OTUB2: variants seen among roughly 807,000 people sequenced by gnomAD.
The protein encoded by OTUB2 is ubiquitin thioesterase OTUB2.
In OTUB2, 21 loss-of-function variants were observed where a neutral mutation model predicts 25.1. The observed-to-expected ratio is 0.84, with a 90% CI of 0.59 to 1.21. The LOEUF (loss-of-function observed/expected upper bound fraction) is 1.21. OTUB2 is among the 50% of genes most tolerant of loss of function. OTUB2 has a pLI of 0.00. For missense variants in OTUB2, 283 were observed against 298.0 expected, an observed-to-expected ratio of 0.95 and a Z score of 0.37; for synonymous variants, 122 against 122.8, an observed-to-expected ratio of 0.99 and a Z score of 0.04.
chr14:94,032,953 C>T (rs981324555), intron 1 of OTUB2, among the ~76,000 whole-genome samples: 16 of 152,150 alleles, frequency 1.1e-4, no homozygotes, highest in African/African-American at 3.9e-4. Flanking sequence ...AGTCTGTTGC[C>T]CAGGCTGGAG....
chr14:94,044,164 A>G, intron 4 of OTUB2, 109 bp downstream of exon 4: 1 of 1,141,226 alleles, frequency 8.8e-7, no homozygotes, highest in Non-Finnish European at 1.3e-6. Context: ...GGGGAAGGAC[A>G]GAGGGTTCCT....
Position 94,044,598 on chromosome 14 carries a change from G to A in OTUB2, c.316G>A (p.Val106Met), listed in dbSNP as rs1055202723. ...RNFFNAFYSV[V>M]ELVEKDGSVS... The stretch of plus-strand genomic sequence containing the variant: ...CGGGCGGGCGCAGTTTTACAGTGTG[G>A]TGGAACTGGTAGAGAAGGATGGCTC... Residue 106 changes from valine (V) to methionine (M), a missense_variant, in exon 5 of 6, where the codon GTG becomes ATG. Transcript: ENST00000203664. The A allele has an allele frequency of 6.2e-7, 1 of 1,613,562 alleles. No individual in the cohort carries two copies. The highest frequency in any genetic ancestry group is 8.5e-7 in the Non-Finnish European group (1 of 1,179,628).
intron 3 of OTUB2, chr14:94,039,309 A>G (rs1159820061): frequency 1.0e-5 from 6 of 577,092 alleles, no homozygotes; most frequent in East Asian, 2.9e-5. Flanking sequence ...GATGCTTTCC[A>G]GCCTCTGCTT....
intron 1 of OTUB2, among the ~76,000 whole-genome samples, chr14:94,032,037 C>T (rs1439452914): frequency 2.0e-5 from 3 of 152,166 alleles, no homozygotes; most frequent in South Asian, 2.1e-4. Flanking sequence ...GGGGTTCTTC[C>T]GGGAGCTTGA....
At position 94,037,696 on chromosome 14, in the gene OTUB2, C is replaced by T. The variant is rs188548921; in HGVS notation, c.99+221C>T. Reference sequence around the variant, plus strand: ...TTTTGTTGAAAAGTTTAGCACTATCCTAATGTTTTATTTACTCACCAATAC... The same window carrying T: ...TTTTGTTGAAAAGTTTAGCACTATCTTAATGTTTTATTTACTCACCAATAC... On this transcript the variant is annotated intron_variant, in intron 2 of 5. Transcript: ENST00000203664. Among the ~76,000 whole-genome samples, 32 of 149,970 alleles carry T rather than the reference C, an allele frequency of 2.1e-4. No homozygotes were observed. In the East Asian group the frequency reaches 5.6e-3, roughly 26 times the overall value.
chr14:94,031,086 A>G (rs923366720), intron 1 of OTUB2, among the ~76,000 whole-genome samples: 5 of 152,098 alleles, frequency 3.3e-5, no homozygotes, highest in African/African-American at 1.2e-4. Flanking sequence ...ATGGCTTCCA[A>G]ACGATTATCA....
intron 3 of OTUB2, among the ~76,000 whole-genome samples, chr14:94,042,652 C>T (rs779097555): frequency 2.6e-5 from 4 of 152,178 alleles, no homozygotes; most frequent in East Asian, 1.9e-4. Context: ...GCCACCTAGC[C>T]GCAGCTGAAG....
intron 2 of OTUB2, 113 bp from the exon 3 acceptor site, chr14:94,038,850 G>C (rs1164326302): frequency 1.7e-5 from 15 of 905,902 alleles, no homozygotes; most frequent in Non-Finnish European, 1.7e-5. Flanking sequence ...AGCCTGAAGG[G>C]AGGGAGCAGA....
chr14:94,043,900 G>T, intron 3 of OTUB2, 71 bp from the exon 4 acceptor site: 1 of 1,403,618 alleles, frequency 7.1e-7, no homozygotes, highest in Non-Finnish European at 1.0e-6. Flanking sequence ...GTTGAGAGGG[G>T]GACGCACAGT....
At position 94,044,781 on chromosome 14, in the gene OTUB2, G is replaced by A. The variant is rs201463832; in HGVS notation, c.498+1G>A. On this transcript the variant is annotated splice_donor_variant, in intron 5 of 5. Transcript: ENST00000203664. LOFTEE classifies it high-confidence loss of function. ...GGACATCAAAGACTTCTGCACTCACGTAGGTGCTTGGGGTCTCAGCCCCAG... is the reference window on the plus strand; with the variant it reads ...GGACATCAAAGACTTCTGCACTCACATAGGTGCTTGGGGTCTCAGCCCCAG... 33 of 1,609,134 alleles carry A rather than the reference G, an allele frequency of 2.1e-5. No individual in the cohort carries two copies. The highest frequency in any genetic ancestry group is 2.5e-5 in the Non-Finnish European group (29 of 1,178,360).
At chr14:94,028,778 G>T (rs1404025789) in intron 1 of OTUB2, among the ~76,000 whole-genome samples, 1 of 152,222 alleles carries the variant, frequency 6.6e-6, no homozygotes, top group African/African-American at 2.4e-5. Flanking sequence ...ATGCCTAAGA[G>T]GCCTAAGGAC....
intron 1 of OTUB2, 31 bp downstream of exon 1, chr14:94,026,571 A>C: frequency 1.1e-6 from 1 of 937,506 alleles, no homozygotes; most frequent in East Asian, 4.8e-5. Flanking sequence ...GCGAAGGGGG[A>C]GCGGGCAGGG....
chr14:94,043,805 G>A (rs1885207668), intron 3 of OTUB2, among the ~76,000 whole-genome samples, 166 bp from the exon 4 acceptor site: 1 of 152,228 alleles, frequency 6.6e-6, no homozygotes, highest in African/African-American at 2.4e-5. Flanking sequence ...GGGTGGAGAT[G>A]TGCACGGTGC....
At chr14:94,037,868 T>C (rs1885086680) in intron 2 of OTUB2, among the ~76,000 whole-genome samples, 1 of 152,212 alleles carries the variant, frequency 6.6e-6, no homozygotes, top group African/African-American at 2.4e-5. Flanking sequence ...CAAGCCACAT[T>C]CATAACTGCT....
At chr14:94,044,988 A>T (rs1288695405) in intron 5 of OTUB2, among the ~76,000 whole-genome samples, 13 of 152,186 alleles carry the variant, frequency 8.5e-5, no homozygotes, top group Admixed American at 8.5e-4. Context: ...CTCTCTGGAG[A>T]TTTCCCATCT....
intron 1 of OTUB2, among the ~76,000 whole-genome samples, chr14:94,027,182 C>G (rs1249151565): frequency 6.6e-6 from 1 of 152,252 alleles, no homozygotes; most frequent in Non-Finnish European, 1.5e-5. Flanking sequence ...CCCAGAGACC[C>G]TCTGAGCCAG....
chr14:94,045,629 C>T (rs1305153029), intron 5 of OTUB2, 87 bp from the exon 6 acceptor site: 3 of 1,334,034 alleles, frequency 2.2e-6, no homozygotes, highest in African/African-American at 1.5e-5. Flanking sequence ...AGGCTGTGAC[C>T]ATGACCCTGA....
intron 1 of OTUB2, 145 bp from the exon 2 acceptor site, chr14:94,037,235 G>A: frequency 1.9e-6 from 1 of 527,652 alleles, no homozygotes; most frequent in Non-Finnish European, 3.4e-6. Context: ...CGTCTAGGAT[G>A]CTGGTAACAT....
intron 1 of OTUB2, among the ~76,000 whole-genome samples, chr14:94,036,971 G>A (rs1465159638): frequency 6.6e-6 from 1 of 152,198 alleles, no homozygotes; most frequent in East Asian, 1.9e-4. Context: ...TGGGCATGTG[G>A]ATGTTCAGGA....
Sources: allele counts gnomAD v4.1 joint callset (sites outside exome capture counted in the v4.1 genomes callset), GRCh38; gene constraint gnomAD v4.1.1; transcripts MANE v1.5; gene names NCBI Gene and HGNC (gene_info 2026-07-23, HGNC 2026-07-21).